Variants in ZNF318 observed in about 807,000 individuals in gnomAD.
The protein encoded by ZNF318 is zinc finger protein 318, also known as endocrine regulator.
ZNF318 carries 51 observed loss-of-function variants against 124.2 expected under a neutral mutation model. The observed-to-expected ratio is 0.41, with a 90% confidence interval of 0.33 to 0.52. ZNF318 has a LOEUF of 0.52. ZNF318 is among the 20% of genes least tolerant of loss of function. ZNF318 has a pLI of 0.23. For synonymous variants in ZNF318, 1,090 were observed against 1,040.7 expected (o/e 1.05, Z -0.91); for missense variants, 2,815 against 2,811.2 (o/e 1.00, Z -0.03).
At position 43,337,672 on chromosome 6, in the gene ZNF318, A is replaced by G; in HGVS notation, c.6326T>C (p.Leu2109Pro). Residue 2109 changes from leucine (L) to proline (P), a missense_variant, in exon 10 of 10, where the codon CTT becomes CCT. Physicochemically the swap from Leu to Pro is moderately conservative, Grantham distance 98 (BLOSUM62 -3). Around this residue, in one of 4 missense-constraint regions of ZNF318, gnomAD observed 927 missense variants for 820.6 expected, o/e 1.13. Transcript: ENST00000361428. ...IPSPNILKTG[L>P]TENVDRGLGG... is the part of the protein sequence containing the mutation. ...CAAGCCACGGTCAACATTTTCTGTA[A>G]GTCCAGTTTTCAAAATGTTAGGAGA... The G allele has an allele frequency of 6.2e-7, 1 of 1,614,108 alleles. No individual in the cohort carries two copies. The highest frequency in any genetic ancestry group is 8.5e-7 in the Non-Finnish European group (1 of 1,180,010).
chr6:43,366,276 G>A (rs1332845720), intron 1 of ZNF318, among the ~76,000 whole-genome samples: 1 of 152,308 alleles, frequency 6.6e-6, no homozygotes, highest in East Asian at 1.9e-4. Flanking sequence ...GGCCGGTGTG[G>A]CTGCAGCAAA....
chr6:43,365,503 T>C, intron 1 of ZNF318, 63 bp from the exon 2 acceptor site: 1 of 1,541,184 alleles, frequency 6.5e-7, no homozygotes, highest in East Asian at 2.3e-5. Flanking sequence ...ATCCAAAAAC[T>C]CTCCTCCCTA....
In ZNF318 at chr6:43,337,573, G is replaced by A. The variant is rs769589706; in HGVS notation, c.6425C>T (p.Ser2142Phe). Reference sequence around the variant, plus strand: ...TGACTCTTGTTTGTCTAATTGGGAAGATTCTTTTACTTCCTCAGGCATCAT... The same window carrying A: ...TGACTCTTGTTTGTCTAATTGGGAAAATTCTTTTACTTCCTCAGGCATCAT... ...GGMMPEEVKE[S>F]SQLDKQESLG... Residue 2142 changes from serine to phenylalanine, a missense_variant, in exon 10 of 10, where the codon TCT becomes TTT. By Grantham distance (155) the Ser-to-Phe change is radical (BLOSUM62 -2). Around this residue, in one of 4 missense-constraint regions of ZNF318, gnomAD observed 927 missense variants for 820.6 expected, o/e 1.13. Transcript: ENST00000361428. 1.9e-6 allele frequency: 3 copies of A among 1,614,090 alleles called. No individual in the cohort carries two copies. Among genetic ancestry groups the A allele is most frequent in the Non-Finnish European group, 2.5e-6 (3 of 1,179,980 alleles).
intron 5 of ZNF318, among the ~76,000 whole-genome samples, chr6:43,349,028 C>T (rs769611928): frequency 2.0e-5 from 3 of 152,112 alleles, no homozygotes; most frequent in South Asian, 2.1e-4. Flanking sequence ...TGAGAGACTC[C>T]GTCTCAAAAA....
At position 43,338,309 on chromosome 6, in the gene ZNF318, G is replaced by C. The variant is rs1779318727; in HGVS notation, c.5689C>G (p.Pro1897Ala). Residue 1897 changes from proline (P) to alanine (A), a missense_variant, in exon 10 of 10, where the codon CCA (proline) becomes GCA (alanine). This residue lies in a region of ZNF318 where 927 missense variants were observed against 820.6 expected (regional missense o/e 1.13). Coordinates refer to ENST00000361428, the MANE Select transcript of ZNF318 (RefSeq NM_014345.3). Reference protein sequence around the residue: ...ISAPELLLHSPARSAMCLTGS... With the variant: ...ISAPELLLHSAARSAMCLTGS... ...GTTAAACACATAGCTGATCTGGCTGGGGAATGAAGCAGCAACTCTGGGGCA... is the reference window on the plus strand; with the variant it reads ...GTTAAACACATAGCTGATCTGGCTGCGGAATGAAGCAGCAACTCTGGGGCA... 2 of 1,614,058 alleles carry C rather than the reference G, an allele frequency of 1.2e-6. No individual in the cohort carries two copies. Among genetic ancestry groups the C allele is most frequent in the South Asian group, 1.1e-5 (1 of 91,084 alleles).
intron 5 of ZNF318, among the ~76,000 whole-genome samples, chr6:43,349,859 GGATCATTTGAGTCCA>G (rs1245215952): frequency 6.6e-6 from 1 of 152,068 alleles, no homozygotes; most frequent in African/African-American, 2.4e-5. Context: ...TGAGATGGGA[GGATCATTTGAGTCCA>G]GAAATTCAAA....
chr6:43,368,025 AAAT>A (rs1260935394), intron 1 of ZNF318, among the ~76,000 whole-genome samples: 4 of 152,096 alleles, frequency 2.6e-5, no homozygotes, highest in Admixed American at 6.6e-5. Context: ...ACTCTTTCTC[AAAT>A]AATAATAATA....
rs117233750 is a variant in ZNF318, at chr6:43,349,272, T to C, written c.2771-647A>G. Reference sequence around the variant, plus strand: ...GTTGTAACTATGAATTTAGCAGTTGTCCTCTCTTCAGAGGGCTGAAGAATT... The same window carrying C: ...GTTGTAACTATGAATTTAGCAGTTGCCCTCTCTTCAGAGGGCTGAAGAATT... On this transcript the variant is annotated intron_variant, in intron 5 of 9. Transcript: ENST00000361428. 1.5e-4 allele frequency among the ~76,000 whole-genome samples: 23 copies of C among 152,274 alleles called. No individual in the cohort carries two copies. The East Asian group carries it at 4.4e-3, about 29-fold the overall frequency.
At chr6:43,348,710 T>C in intron 5 of ZNF318, 85 bp from the exon 6 acceptor site, 3 of 1,452,496 alleles carry the variant, frequency 2.1e-6, no homozygotes, top group Non-Finnish European at 2.8e-6. Flanking sequence ...TTGTCAGGGC[T>C]TTATGGTTAC....
intron 6 of ZNF318, among the ~76,000 whole-genome samples, chr6:43,346,429 C>T (rs12215890): frequency 2.6e-3 from 390 of 149,760 alleles, no homozygotes; most frequent in Non-Finnish European, 4.4e-3. Context: ...TGCAATGAGC[C>T]GAGATTGCGC....
rs1477812534 is a variant in ZNF318, at chr6:43,338,203, G to T, written c.5795C>A (p.Thr1932Asn). The T allele has an allele frequency of 6.2e-7, 1 of 1,613,998 alleles. No homozygotes were observed. Among genetic ancestry groups the T allele is most frequent in the East Asian group, 2.2e-5 (1 of 44,884 alleles). Residue 1932 changes from threonine (T) to asparagine (N), a missense_variant, in exon 10 of 10, where the codon ACT becomes AAT. Around this residue, in one of 4 missense-constraint regions of ZNF318, gnomAD observed 927 missense variants for 820.6 expected, o/e 1.13. Coordinates refer to ENST00000361428, the MANE Select transcript of ZNF318 (RefSeq NM_014345.3). ...GAGTTTGAGACTTCTGTACCTAGAA[G>T]TTCTAGAAGCTGATTCTGGAGCTGA... Reference protein sequence around the residue: ...ENSAPESASRTSRYRSLKLKR... With the variant: ...ENSAPESASRNSRYRSLKLKR...
In ZNF318 at chr6:43,337,472, CAA is replaced by C; in HGVS notation, c.6524_6525del (p.Phe2175CysfsTer11). 1.2e-6 allele frequency: 2 copies of C among 1,614,144 alleles called. No individual in the cohort carries two copies. The highest frequency in any genetic ancestry group is 1.6e-4 in the Middle Eastern group (1 of 6,062). ...PSPCLPDLVDFVTRTSGVQKD... is the reference protein window; with the variant it reads ...PSPCLPDLVDXVTRTSGVQKD... ...TTTTGAACTCCAGAGGTCCGTGTGA[CAA>C]AGTCAACAAGGTCTGGAAGGCAAGG... On this transcript the variant is annotated frameshift_variant, in exon 10 of 10. Coordinates refer to ENST00000361428, the MANE Select transcript of ZNF318 (RefSeq NM_014345.3). LOFTEE classifies it low-confidence loss of function (END_TRUNC).
Position 43,339,426 on chromosome 6 carries a change from C to G in ZNF318, c.4572G>C (p.Glu1524Asp). 6 of 1,614,028 alleles carry G rather than the reference C, an allele frequency of 3.7e-6. No individual in the cohort carries two copies. Among genetic ancestry groups the G allele is most frequent in the Non-Finnish European group, 5.1e-6 (6 of 1,180,012 alleles). The change falls in exon 10 of 10, where the codon GAG becomes GAC. Residue 1524 changes from glutamate (E) to aspartate (D), a missense_variant. By Grantham distance (45) the Glu-to-Asp change is conservative (BLOSUM62 2). Around this residue, in one of 4 missense-constraint regions of ZNF318, gnomAD observed 500 missense variants for 605.2 expected, o/e 0.83. Coordinates refer to ENST00000361428, the MANE Select transcript of ZNF318 (RefSeq NM_014345.3). This position sits in a 1 kb window ranked among gnomAD's most constrained non-coding sequence, Gnocchi z 4.2. ...PSDETAPGVSESDRDQTLFSV... is the reference protein window; with the variant it reads ...PSDETAPGVSDSDRDQTLFSV... ...AGAACAGGGTCTGGTCTCGGTCACT[C>G]TCACTCACCCCAGGAGCTGTCTCAT... is the stretch of plus-strand genomic sequence containing the variant.
At chr6:43,351,897 T>C (rs1043645120) in intron 5 of ZNF318, among the ~76,000 whole-genome samples, 10 of 152,024 alleles carry the variant, frequency 6.6e-5, no homozygotes, top group African/African-American at 2.2e-4. Context: ...TCCTAGCACT[T>C]TGGGAGGCTA....
chr6:43,347,448 A>G (rs898980670), intron 6 of ZNF318, among the ~76,000 whole-genome samples: 3 of 152,252 alleles, frequency 2.0e-5, no homozygotes, highest in Non-Finnish European at 4.4e-5. Flanking sequence ...CAGAATTTGT[A>G]ATTGATTGCA....
At chr6:43,361,221 T>C (rs894985895) in intron 2 of ZNF318, among the ~76,000 whole-genome samples, 136 of 152,004 alleles carry the variant, frequency 8.9e-4, no homozygotes, top group African/African-American at 3.2e-3. Context: ...CTAAAGAAAA[T>C]CAGAGGGAAA....
chr6:43,360,234 T>C (rs1177120503), intron 2 of ZNF318, among the ~76,000 whole-genome samples: 1 of 152,174 alleles, frequency 6.6e-6, no homozygotes, highest in Non-Finnish European at 1.5e-5. Flanking sequence ...TAGTCCAGAC[T>C]TGGAATCTCC....
Position 43,365,455 on chromosome 6 carries a change from G to A in ZNF318, c.400-15C>T. ...GGAGAGCGTCTCTACAAAAGTAAAG[G>A]ATAATATGGTTAGTCAATAGGGTCA... On this transcript the variant is annotated splice_polypyrimidine_tract_variant and intron_variant, in intron 1 of 9. Coordinates refer to ENST00000361428, the MANE Select transcript of ZNF318 (RefSeq NM_014345.3). 6.2e-7 allele frequency: 1 copy of A among 1,610,172 alleles called. No homozygotes were observed. The highest frequency in any genetic ancestry group is 8.5e-7 in the Non-Finnish European group (1 of 1,178,572).
At chr6:43,347,383 T>TCCC (rs1779461876) in intron 6 of ZNF318, among the ~76,000 whole-genome samples, 1 of 152,164 alleles carries the variant, frequency 6.6e-6, no homozygotes, top group African/African-American at 2.4e-5. Flanking sequence ...GACTTGAATG[T>TCCC]CAATGGAGAT....
Sources: allele counts gnomAD v4.1 joint callset (sites outside exome capture counted in the v4.1 genomes callset), GRCh38; gene constraint gnomAD v4.1.1; regional missense constraint gnomAD v4.1.1; non-coding constraint Gnocchi (gnomAD v3.1); transcripts MANE v1.5; gene names NCBI Gene and HGNC (gene_info 2026-07-23, HGNC 2026-07-21).